Variants in RBFOX1 observed in about 807,000 individuals in gnomAD.
RBFOX1 encodes RNA binding fox-1 homolog 1, also known as RNA binding protein fox-1 homolog 1.
RBFOX1 carries 8 observed loss-of-function variants against 57.7 expected under a neutral mutation model. The ratio of observed to expected loss-of-function variants is 0.14; its 90% CI spans 0.08 to 0.25. The LOEUF (loss-of-function observed/expected upper bound fraction) is 0.25. Among genes scored for constraint, RBFOX1 ranks in the 10% least tolerant of loss-of-function variants. The pLI is 1.00. For missense variants in RBFOX1, 611 were observed against 548.5 expected (o/e 1.11, Z -1.14); for synonymous variants, 326 against 222.4 (o/e 1.47, Z -4.15).
Position 6,384,620 on chromosome 16 carries a change from C to G in RBFOX1, c.-64+67563C>G, listed in dbSNP as rs530725353. Among the ~76,000 whole-genome samples the G allele has an allele frequency of 7.9e-4, 120 of 152,270 alleles. 1 individual carries two copies. The highest frequency in any genetic ancestry group is 2.8e-3 in the African/African-American group (117 of 41,558). ...CTTTGGAGGTCATCTAATTCGTCTC[C>G]TTTTGCAATTACAGAATTATTTCTT... On this transcript the variant is annotated intron_variant, in intron 2 of 15. Transcript: ENST00000550418.
intron 4 of RBFOX1, among the ~76,000 whole-genome samples, chr16:7,124,862 T>C (rs1217462432): frequency 1.3e-5 from 2 of 152,014 alleles, no homozygotes; most frequent in Non-Finnish European, 2.9e-5. Flanking sequence ...ATTACTAAAG[T>C]GTATTCCTGA....
intron 2 of RBFOX1, among the ~76,000 whole-genome samples, chr16:6,602,504 C>G (rs182216864): frequency 1.3e-5 from 2 of 152,208 alleles, no homozygotes; most frequent in South Asian, 2.1e-4. Flanking sequence ...GCTGAATCCC[C>G]AACAGCTGAC....
intron 2 of RBFOX1, among the ~76,000 whole-genome samples, chr16:5,540,745 T>C (rs1008253777): frequency 6.6e-6 from 1 of 152,220 alleles, no homozygotes; most frequent in Non-Finnish European, 1.5e-5. Flanking sequence ...GCTAAAAGTA[T>C]GGTCTGTGGA....
At chr16:5,385,560 A>G (rs1436107896) in intron 1 of RBFOX1, among the ~76,000 whole-genome samples, 1 of 152,164 alleles carries the variant, frequency 6.6e-6, no homozygotes, top group Non-Finnish European at 1.5e-5. Flanking sequence ...TCCCCCTTAA[A>G]TGACCTAGAT....
chr16:6,762,875 G>A (rs1261266234), intron 3 of RBFOX1, among the ~76,000 whole-genome samples: 1 of 152,164 alleles, frequency 6.6e-6, no homozygotes, highest in African/African-American at 2.4e-5. Flanking sequence ...CTTGCCTTGG[G>A]TGGGAGTAAG....
chr16:6,172,274 C>T (rs752800370), intron 1 of RBFOX1, among the ~76,000 whole-genome samples: 20 of 150,836 alleles, frequency 1.3e-4, no homozygotes, highest in African/African-American at 3.7e-4. Context: ...CCCCGGACAG[C>T]GGGGAGATAC....
intron 4 of RBFOX1, among the ~76,000 whole-genome samples, chr16:7,486,966 C>G (rs535661006): frequency 6.6e-6 from 1 of 152,296 alleles, no homozygotes; most frequent in South Asian, 2.1e-4. Flanking sequence ...GTGGCACAAT[C>G]TCGGCTCACT....
chr16:7,226,314 G>T (rs541709841), intron 4 of RBFOX1, among the ~76,000 whole-genome samples: 23 of 152,172 alleles, frequency 1.5e-4, no homozygotes, highest in Admixed American at 2.0e-4. Flanking sequence ...TCTGAAACTG[G>T]AGAAGAGGTT....
At chr16:7,437,563 T>G (rs916154726) in intron 4 of RBFOX1, among the ~76,000 whole-genome samples, 1 of 152,098 alleles carries the variant, frequency 6.6e-6, no homozygotes, top group East Asian at 1.9e-4. Context: ...CTCAGCAAAA[T>G]TTCATGTATT....
At chr16:6,903,743 G>T (rs2069059962) in intron 3 of RBFOX1, among the ~76,000 whole-genome samples, 1 of 152,164 alleles carries the variant, frequency 6.6e-6, no homozygotes, top group African/African-American at 2.4e-5. Context: ...GACCTCAAAA[G>T]AAAGAGGTGA....
intron 3 of RBFOX1, among the ~76,000 whole-genome samples, chr16:5,627,395 C>T (rs189900743): frequency 1.3e-5 from 2 of 151,398 alleles, no homozygotes; most frequent in East Asian, 1.9e-4. Context: ...AGCAATTTTG[C>T]CTTTTAACCA....
At chr16:5,722,996 C>T (rs2051993638) in intron 3 of RBFOX1, among the ~76,000 whole-genome samples, 1 of 152,190 alleles carries the variant, frequency 6.6e-6, no homozygotes, top group South Asian at 2.1e-4. Flanking sequence ...TATTCGCATA[C>T]TTAGGGCACA....
Position 6,661,526 on chromosome 16 carries a change from T to C in RBFOX1, c.-16+6876T>C, listed in dbSNP as rs1378073356. On this transcript the variant is annotated intron_variant, in intron 3 of 15. Transcript: ENST00000550418. ...TCTGTCCCCACAGAAGGCAAATCTTTACTGTATGGGGCCAGAGTTACACAG... is the reference window on the plus strand; with the variant it reads ...TCTGTCCCCACAGAAGGCAAATCTTCACTGTATGGGGCCAGAGTTACACAG... Among the ~76,000 whole-genome samples the C allele has an allele frequency of 2.6e-5, 4 of 152,198 alleles. No individual in the cohort carries two copies. The East Asian group carries it at 7.7e-4, about 29-fold the overall frequency.
At chr16:7,577,523 G>A (rs1002194290) in intron 5 of RBFOX1, among the ~76,000 whole-genome samples, 1 of 152,276 alleles carries the variant, frequency 6.6e-6, no homozygotes, top group Non-Finnish European at 1.5e-5. Flanking sequence ...TCCAGAATTG[G>A]CAAGCCTGGC....
chr16:7,653,699 CG>C, intron 11 of RBFOX1, 115 bp from the exon 12 acceptor site: 2 of 1,429,264 alleles, frequency 1.4e-6, no homozygotes, highest in South Asian at 2.6e-5. Context: ...GGGAAGCGGG[CG>C]GGGGTCCTGC....
At chr16:5,470,474 A>G (rs1282342127) in intron 2 of RBFOX1, among the ~76,000 whole-genome samples, 1 of 152,090 alleles carries the variant, frequency 6.6e-6, no homozygotes, top group Non-Finnish European at 1.5e-5. Context: ...ACATGCACAC[A>G]TTCTCTCTGT....
At chr16:6,464,372 A>G (rs570269391) in intron 2 of RBFOX1, among the ~76,000 whole-genome samples, 2 of 152,332 alleles carry the variant, frequency 1.3e-5, no homozygotes, top group African/African-American at 2.4e-5. Context: ...AATTAACTCC[A>G]TAGCAAAAAT....
chr16:5,890,843 A>G (rs758470), intron 4 of RBFOX1, among the ~76,000 whole-genome samples: 43,069 of 151,926 alleles, frequency 0.28, 6,385 homozygotes, highest in Middle Eastern at 0.34. Context: ...TTCACCCAAC[A>G]TTGTGTCTGG....
At chr16:6,573,015 T>A (rs1038293832) in intron 2 of RBFOX1, among the ~76,000 whole-genome samples, 1 of 152,178 alleles carries the variant, frequency 6.6e-6, no homozygotes, top group Non-Finnish European at 1.5e-5. Context: ...ATCACTCTAT[T>A]AAGAGATCAA....
Sources: allele counts gnomAD v4.1 joint callset (sites outside exome capture counted in the v4.1 genomes callset), GRCh38; gene constraint gnomAD v4.1.1; transcripts MANE v1.5; gene names NCBI Gene and HGNC (gene_info 2026-07-23, HGNC 2026-07-21).